The following PDLIM3 variants were observed in gnomAD, a reference collection of about 807,000 sequenced individuals.
PDLIM3 encodes the protein PDZ and LIM domain protein 3.
A neutral mutation model predicts 37.3 loss-of-function variants in PDLIM3; 36 were observed. The observed-to-expected ratio is 0.97, with a 90% CI of 0.74 to 1.28. PDLIM3 has a LOEUF of 1.28. PDLIM3 is among the 50% of genes most tolerant of loss of function. The pLI is 0.00. For missense variants in PDLIM3, 454 were observed against 485.0 expected (o/e 0.94, Z 0.60); for synonymous variants, 174 against 182.4 (o/e 0.95, Z 0.37).
At chr4:185,513,483 G>A in intron 4 of PDLIM3, 1 of 953,090 alleles carries the variant, frequency 1.0e-6, no homozygotes, top group Non-Finnish European at 1.2e-6. Flanking sequence ...ACAAGATGGT[G>A]AGTTTAAATG....
intron 3 of PDLIM3, among the ~76,000 whole-genome samples, chr4:185,520,368 CAA>C (rs2095721916): frequency 6.6e-6 from 1 of 152,144 alleles, no homozygotes; most frequent in Non-Finnish European, 1.5e-5. Flanking sequence ...AGTCATGACG[CAA>C]AGTCATGGAA....
chr4:185,516,420 TTCAGA>T (rs1268582460), intron 3 of PDLIM3: 1 of 152,208 alleles, frequency 6.6e-6, no homozygotes, highest in African/African-American at 2.4e-5. Flanking sequence ...TCCTTTTCAT[TTCAGA>T]TAAGTTGTGG....
At chr4:185,505,612 T>TC (rs1392783033) in intron 6 of PDLIM3, among the ~76,000 whole-genome samples, 1 of 127,060 alleles carries the variant, frequency 7.9e-6, no homozygotes, top group East Asian at 2.4e-4. Context: ...AGAGCAAGAC[T>TC]CCATCTCAAA....
intron 2 of PDLIM3, 69 bp from the exon 3 acceptor site, chr4:185,523,515 TC>T: frequency 1.0e-6 from 1 of 991,330 alleles, no homozygotes; most frequent in Non-Finnish European, 1.6e-6. Flanking sequence ...TACTTTAGTT[TC>T]CCATTATGTT....
chr4:185,534,859 G>T (rs2095750685), intron 1 of PDLIM3, among the ~76,000 whole-genome samples: 1 of 152,198 alleles, frequency 6.6e-6, no homozygotes, highest in Non-Finnish European at 1.5e-5. Flanking sequence ...ACAGCGCGCT[G>T]CTGAACTTTT....
intron 3 of PDLIM3, chr4:185,516,324 TACAA>T (rs1167091236): frequency 3.3e-5 from 5 of 152,248 alleles, no homozygotes; most frequent in Admixed American, 6.5e-5. Context: ...TTTGAAATCG[TACAA>T]ACATATATAA....
Position 185,535,443 on chromosome 4 carries a change from C to A in PDLIM3, c.-9G>T, listed in dbSNP as rs535278911. On this transcript the variant is annotated 5_prime_UTR_variant, in exon 1 of 8. Transcript: ENST00000284767. The stretch of plus-strand genomic sequence containing the variant: ...ATCACCGTCTGGGGCATGCCGCCTT[C>A]CTCCCGCCCACCGGGCTCTAAGTGT... The A allele has an allele frequency of 3.8e-5, 60 of 1,581,690 alleles. 1 individual carries two copies. Among genetic ancestry groups the A allele is most frequent in the Admixed American group, 3.6e-4 (20 of 55,958 alleles).
In PDLIM3 at chr4:185,506,531, C is replaced by T. The variant is rs750021846; in HGVS notation, c.784G>A (p.Asp262Asn). ...GTCAGCGGCTGCTCACCAGAGCCATCGTCCACCATTCCCTGGAGCACTCTG... is the reference window on the plus strand; with the variant it reads ...GTCAGCGGCTGCTCACCAGAGCCATTGTCCACCATTCCCTGGAGCACTCTG... ...SFRVLQGMVD[D>N]GSDDRPAGTR... The change falls in exon 6 of 8, where the codon GAT becomes AAT. Residue 262 changes from aspartate to asparagine, a missense_variant. Physicochemically the swap from Asp to Asn is conservative, Grantham distance 23 (BLOSUM62 1). Coordinates refer to ENST00000284767, the MANE Select transcript of PDLIM3 (RefSeq NM_014476.6). 1.2e-5 allele frequency: 19 copies of T among 1,613,578 alleles called. No homozygotes were observed. Among genetic ancestry groups the T allele is most frequent in the South Asian group, 4.4e-5 (4 of 91,080 alleles).
At chr4:185,530,689 T>C (rs2095742443) in intron 1 of PDLIM3, among the ~76,000 whole-genome samples, 1 of 152,174 alleles carries the variant, frequency 6.6e-6, no homozygotes, top group African/African-American at 2.4e-5. Flanking sequence ...AGTAAACAAC[T>C]CATAAGTGTT....
chr4:185,528,683 G>A (rs1340136984), intron 1 of PDLIM3, among the ~76,000 whole-genome samples: 3 of 152,210 alleles, frequency 2.0e-5, no homozygotes, highest in Non-Finnish European at 4.4e-5. Context: ...GTGATGGCCA[G>A]ATCCCACTTC....
intron 4 of PDLIM3, chr4:185,512,865 G>A (rs2095708813): frequency 1.0e-6 from 1 of 985,378 alleles, no homozygotes. Flanking sequence ...GTTGAAAGTG[G>A]AGAAACGGAA....
At chr4:185,529,117 A>T (rs1247791674) in intron 1 of PDLIM3, among the ~76,000 whole-genome samples, 2 of 152,184 alleles carry the variant, frequency 1.3e-5, no homozygotes, top group Admixed American at 1.3e-4. Context: ...ACTGCAGTGA[A>T]TCACTTAGCA....
At chr4:185,507,774 A>G (rs1013274117) in intron 5 of PDLIM3, among the ~76,000 whole-genome samples, 18 of 152,146 alleles carry the variant, frequency 1.2e-4, no homozygotes, top group Non-Finnish European at 2.9e-5. Context: ...TTCACCTAAA[A>G]ACCTTTATGC....
At chr4:185,528,291 AAC>A (rs1463768677) in intron 1 of PDLIM3, among the ~76,000 whole-genome samples, 1 of 152,222 alleles carries the variant, frequency 6.6e-6, no homozygotes, top group Non-Finnish European at 1.5e-5. Context: ...ACTAATTTTA[AAC>A]ACACATCTGA....
At chr4:185,509,344 C>T (rs1039702749) in intron 4 of PDLIM3, among the ~76,000 whole-genome samples, 6 of 152,108 alleles carry the variant, frequency 3.9e-5, no homozygotes, top group African/African-American at 1.2e-4. Flanking sequence ...TTCACTCTTT[C>T]GATGCTTATA....
In PDLIM3 at chr4:185,525,034, A is replaced by ACACAGCTCAAAATTGAGACCAG. The variant is rs766468700; in HGVS notation, c.230_231insCTGGTCTCAATTTTGAGCTGTG (p.Leu78TrpfsTer5). 1.9e-6 allele frequency: 3 copies of ACACAGCTCAAAATTGAGACCAG among 1,614,046 alleles called. No individual in the cohort carries two copies. In the African/African-American group the frequency reaches 4.0e-5, roughly 22 times the overall value. Reference sequence around the variant, plus strand: ...TTAAGAAGCACCTGTCAATTTTGAGACACAGCTGGTGAGCTGCTGCTTTAA... The same window carrying ACACAGCTCAAAATTGAGACCAG: ...TTAAGAAGCACCTGTCAATTTTGAGACACAGCTCAAAATTGAGACCAGCACAGCTGGTGAGCTGCTGCTTTAA... On this transcript the variant is annotated stop_gained and frameshift_variant, in exon 2 of 8. Coordinates refer to ENST00000284767, the MANE Select transcript of PDLIM3 (RefSeq NM_014476.6). LOFTEE classifies it high-confidence loss of function.
intron 2 of PDLIM3, among the ~76,000 whole-genome samples, chr4:185,524,004 A>T (rs2153338008): frequency 6.6e-6 from 1 of 151,328 alleles, no homozygotes; most frequent in Non-Finnish European, 1.5e-5. Flanking sequence ...TGGAGGAAGG[A>T]GGCCTGCAAG....
At position 185,518,233 on chromosome 4, in the gene PDLIM3, G is replaced by A. The variant is rs576559693; in HGVS notation, c.331-3896C>T. Among the ~76,000 whole-genome samples the A allele has an allele frequency of 3.3e-5, 5 of 152,280 alleles. 1 individual carries two copies. The South Asian group carries it at 1.0e-3, about 32-fold the overall frequency. On this transcript the variant is annotated intron_variant, in intron 3 of 7. Coordinates refer to ENST00000284767, the MANE Select transcript of PDLIM3 (RefSeq NM_014476.6). ...CCAGTGAAAGCTAAGTAACTTGACAGAACTCTGCTGATGTTAAGAGGATCC... is the reference window on the plus strand; with the variant it reads ...CCAGTGAAAGCTAAGTAACTTGACAAAACTCTGCTGATGTTAAGAGGATCC...
At chr4:185,518,052 T>C (rs2095717518) in intron 3 of PDLIM3, among the ~76,000 whole-genome samples, 1 of 152,260 alleles carries the variant, frequency 6.6e-6, no homozygotes. Flanking sequence ...CTCTTGTGTT[T>C]ATTCTATCTA....
Sources: gnomAD v4.1 joint callset for allele counts (sites outside exome capture counted in the v4.1 genomes callset) on GRCh38, gnomAD v4.1.1 for gene constraint, MANE v1.5 for transcripts, NCBI Gene and HGNC (gene_info 2026-07-23, HGNC 2026-07-21) for gene names.